GATAD1: variants seen among roughly 807,000 people sequenced by gnomAD.
GATAD1 encodes GATA zinc finger domain-containing protein 1.
In GATAD1, 12 loss-of-function variants were observed where a neutral mutation model predicts 26.5. The ratio of observed to expected loss-of-function variants is 0.45; its 90% CI spans 0.29 to 0.73. The LOEUF (loss-of-function observed/expected upper bound fraction) is 0.73, where lower values mean the gene tolerates loss of function less well. GATAD1 is among the 30% of genes least tolerant of loss of function. The pLI, the probability that GATAD1 is intolerant of heterozygous loss-of-function variation, is 0.10. For missense variants in GATAD1, 266 were observed against 342.1 expected (o/e 0.78, Z 1.75); for synonymous variants, 129 against 133.1 (o/e 0.97, Z 0.21).
intron 3 of GATAD1, among the ~76,000 whole-genome samples, chr7:92,451,947 A>G (rs1332644319): frequency 1.3e-5 from 2 of 152,236 alleles, no homozygotes; most frequent in African/African-American, 2.4e-5. Context: ...TCCTGGCTCT[A>G]CAGCTTTAGC....
chr7:92,480,207 C>T, the GATAD1 span, among the ~76,000 whole-genome samples: 2 of 152,092 alleles, frequency 1.3e-5, no homozygotes, highest in Non-Finnish European at 2.9e-5. Context: ...GGTGGGAAGG[C>T]CAACCCAAGG....
the GATAD1 span, chr7:92,489,506 T>A: frequency 2.4e-6 from 3 of 1,262,030 alleles, no homozygotes; most frequent in Admixed American, 5.7e-5. Context: ...CTTCTTATTG[T>A]CAGTTTTTTC....
At chr7:92,449,756 T>C (rs1308985244) in intron 2 of GATAD1, 3 of 275,300 alleles carry the variant, frequency 1.1e-5, no homozygotes, top group Non-Finnish European at 1.7e-5. Flanking sequence ...TGTGCAGGTT[T>C]GTTACATAGG....
chr7:92,481,299 G>A, the GATAD1 span, among the ~76,000 whole-genome samples: 806 of 152,316 alleles, frequency 5.3e-3, 4 homozygotes, highest in African/African-American at 0.018. Context: ...TTGAAGTCTG[G>A]GCCAGGAAGA....
At chr7:92,494,117 A>G in the GATAD1 span, 45 of 615,896 alleles carry the variant, frequency 7.3e-5, no homozygotes, top group African/African-American at 7.9e-4. Context: ...CTGGGCCAAA[A>G]AAAGGCTTTG....
At chr7:92,461,998 C>T (rs1341643914), downstream of GATAD1, among the ~76,000 whole-genome samples, 1 of 152,154 alleles carries the variant, frequency 6.6e-6, no homozygotes, top group Non-Finnish European at 1.5e-5. Context: ...AGAGGGACAC[C>T]CTATCCAGCT....
the GATAD1 span, chr7:92,487,328 C>G: frequency 1.7e-6 from 1 of 598,076 alleles, no homozygotes; most frequent in Non-Finnish European, 3.0e-6. Context: ...ATTTACCAAT[C>G]TGTGATTTTA....
At chr7:92,494,932 C>G in the GATAD1 span, among the ~76,000 whole-genome samples, 1 of 151,658 alleles carries the variant, frequency 6.6e-6, no homozygotes, top group Non-Finnish European at 1.5e-5. Flanking sequence ...TTATTAAGAC[C>G]CATGCCTTCT....
In GATAD1 at chr7:92,456,617, C is replaced by G; in HGVS notation, c.*55C>G. 1 of 1,107,044 alleles carries G rather than the reference C, an allele frequency of 9.0e-7. No homozygotes were observed. Among genetic ancestry groups the G allele is most frequent in the Non-Finnish European group, 1.3e-6 (1 of 747,316 alleles). 68.6% of individuals were successfully genotyped at this position (1,107,044 alleles called of 1,614,324 possible). On this transcript the variant is annotated 3_prime_UTR_variant, in exon 5 of 5. Coordinates refer to ENST00000287957, the MANE Select transcript of GATAD1 (RefSeq NM_021167.5). ...TGGTGTGGTGGCTCACGCCTGTAGC[C>G]CCAGCTATTGCACCACTGCTCTCCA...
At chr7:92,481,032 G>A in the GATAD1 span, among the ~76,000 whole-genome samples, 1 of 152,276 alleles carries the variant, frequency 6.6e-6, no homozygotes, top group East Asian at 1.9e-4. Flanking sequence ...AAGGCAATCA[G>A]TTCGGCTTGC....
intron 4 of GATAD1, among the ~76,000 whole-genome samples, chr7:92,455,630 G>C (rs1789638590): frequency 6.6e-6 from 1 of 152,118 alleles, no homozygotes; most frequent in African/African-American, 2.4e-5. Context: ...TTATCTTTCT[G>C]CAGTGAGCAT....
At chr7:92,450,402 A>G (rs1789377353) in intron 2 of GATAD1, 1 of 339,232 alleles carries the variant, frequency 2.9e-6, no homozygotes, top group Non-Finnish European at 5.4e-6. Context: ...GTACATTTTT[A>G]TAACTGGAAT....
At chr7:92,489,534 C>T in the GATAD1 span, 1 of 1,084,960 alleles carries the variant, frequency 9.2e-7, no homozygotes, top group Non-Finnish European at 1.4e-6. Flanking sequence ...CATACGTTCT[C>T]TTCCTTATAA....
chr7:92,491,802 T>C, the GATAD1 span, among the ~76,000 whole-genome samples: 3 of 152,196 alleles, frequency 2.0e-5, no homozygotes, highest in Non-Finnish European at 2.9e-5. Context: ...ATTCATACTT[T>C]TCTACTCCAA....
chr7:92,474,708 CATT>C, the GATAD1 span: 7 of 152,204 alleles, frequency 4.6e-5, no homozygotes, highest in African/African-American at 1.7e-4. Context: ...TTAGCAGTGA[CATT>C]ATATCTCTCC....
chr7:92,447,918 G>A lies in GATAD1; in HGVS notation c.189G>A (p.Ala63=), dbSNP rs1789227126. 1.6e-6 allele frequency: 2 copies of A among 1,249,858 alleles called. No homozygotes were observed. The highest frequency in any genetic ancestry group is 2.0e-6 in the Non-Finnish European group (2 of 999,388). The allele number at this position is 1,249,858 out of a possible 1,614,324, so 77.4% of individuals were successfully genotyped here. ...GGSGGGGFGA[A]TFASTSATPP... is the part of the protein sequence containing the mutation. ...GCGGCGGCGGCGGCTTCGGCGCGGC[G>A]ACCTTCGCCAGCACCTCCGCCACCC... The change falls in exon 1 of 5, where the codon GCG becomes GCA. Residue 63 remains alanine (A), a synonymous_variant. Coordinates refer to ENST00000287957, the MANE Select transcript of GATAD1 (RefSeq NM_021167.5).
At chr7:92,460,733 G>T (rs1327613732), downstream of GATAD1, among the ~76,000 whole-genome samples, 3 of 143,698 alleles carry the variant, frequency 2.1e-5, no homozygotes, top group East Asian at 2.1e-4. Flanking sequence ...ACCCATGATT[G>T]TGCCACCACT....
downstream of GATAD1, chr7:92,462,844 C>G (rs1262245657): frequency 6.6e-6 from 1 of 152,274 alleles, no homozygotes; most frequent in Admixed American, 6.5e-5. Context: ...AGGAAGAGAG[C>G]TCTCACCAGA....
the GATAD1 span, among the ~76,000 whole-genome samples, chr7:92,485,365 C>T: frequency 3.9e-5 from 6 of 152,124 alleles, no homozygotes; most frequent in African/African-American, 1.4e-4. Flanking sequence ...GACCAAAATA[C>T]ATGGGCAAAG....
Sources: allele counts gnomAD v4.1 joint callset (sites outside exome capture counted in the v4.1 genomes callset), GRCh38; gene constraint gnomAD v4.1.1; transcripts MANE v1.5; gene names NCBI Gene and HGNC (gene_info 2026-07-23, HGNC 2026-07-21).